NRG3: variants seen among roughly 807,000 people sequenced by gnomAD.
The protein encoded by NRG3 is neuregulin 3, also known as pro-neuregulin-3, membrane-bound isoform.
NRG3 carries 31 observed loss-of-function variants against 66.9 expected under a neutral mutation model. That is an observed-to-expected ratio of 0.46 (90% CI 0.35 to 0.63). The LOEUF (loss-of-function observed/expected upper bound fraction) is 0.63. Among genes scored for constraint, NRG3 ranks in the 20% least tolerant of loss-of-function variants. The pLI, the probability that NRG3 is intolerant of heterozygous loss-of-function variation, is 0.00. For missense variants in NRG3, 910 were observed against 878.9 expected (o/e 1.04, Z -0.45); for synonymous variants, 393 against 359.4 (o/e 1.09, Z -1.06).
intron 1 of NRG3, among the ~76,000 whole-genome samples, chr10:81,998,593 T>C (rs894808035): frequency 6.6e-6 from 1 of 152,180 alleles, no homozygotes; most frequent in African/African-American, 2.4e-5. Flanking sequence ...AAGGCTAATA[T>C]TGTCTACTGC....
intron 3 of NRG3, among the ~76,000 whole-genome samples, chr10:82,772,974 G>A (rs2059773735): frequency 6.6e-6 from 1 of 151,782 alleles, no homozygotes; most frequent in Non-Finnish European, 1.5e-5. Flanking sequence ...TGAAGTTCTG[G>A]GATTATGATC....
At position 82,194,088 on chromosome 10, in the gene NRG3, G is replaced by A. The variant is rs951126971; in HGVS notation, c.824-164651G>A. 6.6e-5 allele frequency among the ~76,000 whole-genome samples: 10 copies of A among 152,288 alleles called. No homozygotes were observed. The East Asian group carries it at 1.5e-3, about 24-fold the overall frequency. On this transcript the variant is annotated intron_variant, in intron 1 of 8. Coordinates refer to ENST00000372141, the MANE Select transcript of NRG3 (RefSeq NM_001010848.4). ...CTTTACCAAGAAGAGAAACCTTAAC[G>A]ATGTGAAATTTTACTGAGAGTAAGA...
intron 1 of NRG3, among the ~76,000 whole-genome samples, chr10:82,226,923 A>G (rs1445279956): frequency 6.6e-6 from 1 of 152,168 alleles, no homozygotes; most frequent in Non-Finnish European, 1.5e-5. Context: ...CACATTTCCC[A>G]GAAACTCTCA....
intron 2 of NRG3, among the ~76,000 whole-genome samples, chr10:82,526,221 A>C (rs1017685398): frequency 9.9e-5 from 15 of 151,906 alleles, no homozygotes; most frequent in Non-Finnish European, 2.2e-4. Context: ...AAATTATGTC[A>C]CAAAAATTGC....
chr10:81,984,171 C>T (rs1211553820), intron 1 of NRG3, among the ~76,000 whole-genome samples: 1 of 152,064 alleles, frequency 6.6e-6, no homozygotes, highest in Non-Finnish European at 1.5e-5. Context: ...TCAGAGAGAC[C>T]ATTTTTGAAC....
intron 3 of NRG3, among the ~76,000 whole-genome samples, chr10:82,829,392 T>C (rs1021922079): frequency 6.6e-6 from 1 of 152,204 alleles, no homozygotes; most frequent in Admixed American, 6.6e-5. Flanking sequence ...GATGGTTTTC[T>C]GTAACAAGTG....
intron 2 of NRG3, among the ~76,000 whole-genome samples, chr10:82,506,162 C>A (rs561679902): frequency 6.6e-6 from 1 of 152,302 alleles, no homozygotes; most frequent in Non-Finnish European, 1.5e-5. Context: ...GCAAGAGAAT[C>A]ACTTGAACGT....
intron 2 of NRG3, among the ~76,000 whole-genome samples, chr10:82,667,235 G>A (rs1272986267): frequency 6.6e-6 from 1 of 152,100 alleles, no homozygotes; most frequent in Admixed American, 6.6e-5. Context: ...CTCTTCTCTA[G>A]GTGGCACACA....
At chr10:82,586,932 TG>T (rs1266869200) in intron 2 of NRG3, among the ~76,000 whole-genome samples, 3 of 152,180 alleles carry the variant, frequency 2.0e-5, no homozygotes, top group Non-Finnish European at 4.4e-5. Flanking sequence ...TAAAAAATCA[TG>T]TTTTTTCATG....
intron 2 of NRG3, among the ~76,000 whole-genome samples, chr10:82,412,550 G>A (rs1404888834): frequency 3.3e-5 from 5 of 152,132 alleles, no homozygotes; most frequent in Non-Finnish European, 5.9e-5. Context: ...TGACTGATCA[G>A]GGTGGTGGTT....
intron 8 of NRG3, among the ~76,000 whole-genome samples, chr10:82,983,682 G>A (rs1180917320): frequency 6.6e-6 from 1 of 152,206 alleles, no homozygotes; most frequent in Non-Finnish European, 1.5e-5. Context: ...AATAAAATGA[G>A]TTAATTGGAG....
At chr10:82,619,288 G>T (rs997472790) in intron 2 of NRG3, among the ~76,000 whole-genome samples, 3 of 152,118 alleles carry the variant, frequency 2.0e-5, no homozygotes, top group Non-Finnish European at 4.4e-5. Context: ...TGGGGCAGGG[G>T]AGCCTTTAAT....
At chr10:82,612,598 C>CT (rs1336500537) in intron 2 of NRG3, among the ~76,000 whole-genome samples, 3 of 152,088 alleles carry the variant, frequency 2.0e-5, no homozygotes, top group Admixed American at 2.0e-4. Context: ...ATCCATGAAT[C>CT]TTTTTATCTG....
intron 3 of NRG3, among the ~76,000 whole-genome samples, chr10:82,831,795 C>T (rs1426662888): frequency 6.6e-6 from 1 of 151,416 alleles, no homozygotes; most frequent in African/African-American, 2.4e-5. Context: ...GCCTGGGTGA[C>T]AAAAAAATAA....
chr10:81,969,671 G>C (rs1379238544), intron 1 of NRG3, among the ~76,000 whole-genome samples: 4 of 152,170 alleles, frequency 2.6e-5, no homozygotes, highest in Non-Finnish European at 5.9e-5. Flanking sequence ...AGCACATATA[G>C]TATCAGGTAC....
intron 2 of NRG3, among the ~76,000 whole-genome samples, chr10:82,431,314 A>G (rs1023769324): frequency 1.3e-5 from 2 of 152,154 alleles, no homozygotes; most frequent in African/African-American, 4.8e-5. Context: ...TCCCTGTCCT[A>G]TGTATGCTGG....
chr10:82,327,638 G>A (rs1039512254), intron 1 of NRG3, among the ~76,000 whole-genome samples: 5 of 152,074 alleles, frequency 3.3e-5, no homozygotes, highest in African/African-American at 1.2e-4. Context: ...AAATGCGATT[G>A]CCTTTCTTTG....
At chr10:82,475,273 TACTA>T (rs1467257427) in intron 2 of NRG3, among the ~76,000 whole-genome samples, 2 of 151,882 alleles carry the variant, frequency 1.3e-5, no homozygotes, top group Non-Finnish European at 2.9e-5. Flanking sequence ...GAGGGAAAAA[TACTA>T]ACACCAATTT....
At chr10:82,963,122 C>T (rs1011655141) in intron 6 of NRG3, among the ~76,000 whole-genome samples, 2 of 151,974 alleles carry the variant, frequency 1.3e-5, no homozygotes, top group Admixed American at 6.6e-5. Context: ...GAATGGAAAA[C>T]GACTTCTGAA....
Sources: allele counts gnomAD v4.1 joint callset (sites outside exome capture counted in the v4.1 genomes callset), GRCh38; gene constraint gnomAD v4.1.1; transcripts MANE v1.5; gene names NCBI Gene and HGNC (gene_info 2026-07-23, HGNC 2026-07-21).